The following CREB5 variants were observed in gnomAD, a reference collection of about 807,000 sequenced individuals.
CREB5 encodes the protein cAMP responsive element binding protein 5.
Under a neutral mutation model 57.1 loss-of-function variants are expected in CREB5, and 19 were observed. That is an observed-to-expected ratio of 0.33 (90% CI 0.23 to 0.49). CREB5 has a LOEUF of 0.49. Ranked by LOEUF, CREB5 falls within the 20% of genes least tolerant of loss-of-function variation. The pLI, the probability that CREB5 is intolerant of heterozygous loss-of-function variation, is 0.99. For missense variants in CREB5, 579 were observed against 671.6 expected (o/e 0.86, Z 1.52); for synonymous variants, 238 against 238.3 (o/e 1.00, Z 0.01).
chr7:28,389,606 C>T (rs533954697), intron 1 of CREB5, among the ~76,000 whole-genome samples: 17 of 150,488 alleles, frequency 1.1e-4, no homozygotes, highest in African/African-American at 3.9e-4. Context: ...GTAGAGGGCG[C>T]TATTGATATT....
chr7:28,690,354 T>C (rs747762460), intron 5 of CREB5, among the ~76,000 whole-genome samples: 2 of 152,198 alleles, frequency 1.3e-5, no homozygotes, highest in Non-Finnish European at 2.9e-5. Flanking sequence ...AGCATCACCA[T>C]AGTCGATGCT....
intron 9 of CREB5, 110 bp downstream of exon 9, chr7:28,809,524 C>T: frequency 1.0e-6 from 1 of 962,774 alleles, no homozygotes. Flanking sequence ...ACACTTAGTC[C>T]ACAGAGGAGC....
intron 5 of CREB5, among the ~76,000 whole-genome samples, chr7:28,666,063 T>C (rs1381261962): frequency 6.6e-6 from 1 of 152,080 alleles, no homozygotes; most frequent in East Asian, 1.9e-4. Context: ...ATAGTAAACA[T>C]TTTTATTTGG....
chr7:28,391,062 CA>C (rs1787206616), intron 1 of CREB5, among the ~76,000 whole-genome samples: 1 of 152,046 alleles, frequency 6.6e-6, no homozygotes, highest in Admixed American at 6.6e-5. Context: ...ATAGAGAAAA[CA>C]ATCTATTCAG....
At chr7:28,618,125 G>A (rs547467381) in intron 5 of CREB5, among the ~76,000 whole-genome samples, 1 of 152,292 alleles carries the variant, frequency 6.6e-6, no homozygotes, top group East Asian at 1.9e-4. Flanking sequence ...TGAAAAATTG[G>A]ATAGAACTTC....
intron 5 of CREB5, among the ~76,000 whole-genome samples, chr7:28,695,586 G>T (rs1231440352): frequency 2.0e-5 from 3 of 152,126 alleles, no homozygotes; most frequent in Non-Finnish European, 4.4e-5. Context: ...AGCCCCACTG[G>T]GGTCTAGTTA....
intron 5 of CREB5, among the ~76,000 whole-genome samples, chr7:28,688,429 A>C (rs531013412): frequency 2.0e-5 from 3 of 152,308 alleles, no homozygotes; most frequent in African/African-American, 7.2e-5. Flanking sequence ...ATTTTCAATG[A>C]ATTTATTCCC....
At chr7:28,672,910 C>A (rs1003020691) in intron 5 of CREB5, among the ~76,000 whole-genome samples, 1 of 152,150 alleles carries the variant, frequency 6.6e-6, no homozygotes, top group African/African-American at 2.4e-5. Context: ...AGGGTATTTT[C>A]CTGTTCTTTT....
intron 1 of CREB5, among the ~76,000 whole-genome samples, chr7:28,479,618 A>C (rs1350400586): frequency 6.6e-6 from 1 of 152,056 alleles, no homozygotes; most frequent in African/African-American, 2.4e-5. Context: ...GTATATTTTT[A>C]CCCTGTGTTC....
At chr7:28,558,755 A>G (rs1185620371) in intron 4 of CREB5, among the ~76,000 whole-genome samples, 1 of 152,152 alleles carries the variant, frequency 6.6e-6, no homozygotes, top group Non-Finnish European at 1.5e-5. Context: ...AGCTTTCCAG[A>G]GAGTGCTACA....
At chr7:28,524,188 A>G (rs1256640890) in intron 4 of CREB5, among the ~76,000 whole-genome samples, 6 of 152,158 alleles carry the variant, frequency 3.9e-5, no homozygotes, top group Admixed American at 3.3e-4. Context: ...TTTTAAAGAA[A>G]TTTGCTGGCT....
intron 1 of CREB5, among the ~76,000 whole-genome samples, chr7:28,384,589 T>TA (rs201671493): frequency 8.6e-5 from 13 of 150,918 alleles, no homozygotes; most frequent in East Asian, 1.9e-4. Context: ...CCTCTCCTAA[T>TA]AAAAAAAAAC....
At chr7:28,707,107 G>T (rs915423319) in intron 5 of CREB5, among the ~76,000 whole-genome samples, 1 of 152,048 alleles carries the variant, frequency 6.6e-6, no homozygotes, top group African/African-American at 2.4e-5. Flanking sequence ...GGATAACTGG[G>T]GACTCACAGT....
chr7:28,741,542 G>A (rs1026587631), intron 7 of CREB5, among the ~76,000 whole-genome samples: 2 of 152,178 alleles, frequency 1.3e-5, no homozygotes, highest in Non-Finnish European at 2.9e-5. Flanking sequence ...CAGCCGAGAT[G>A]TGTTTCTTTC....
intron 4 of CREB5, among the ~76,000 whole-genome samples, chr7:28,562,268 C>A (rs1795303818): frequency 6.6e-6 from 1 of 152,114 alleles, no homozygotes; most frequent in Non-Finnish European, 1.5e-5. Flanking sequence ...AAGAAACTGA[C>A]CAGGAAGGGG....
In CREB5 at chr7:28,681,595, G is replaced by A. The variant is rs980440950; in HGVS notation, c.465-37158G>A. ...TGCTAGGTGCTAGGGAAATGAAGAT[G>A]TATAGCACAGTCTCTGCCCTGGAGA... is the stretch of plus-strand genomic sequence containing the variant. On this transcript the variant is annotated intron_variant, in intron 5 of 10. Transcript: ENST00000357727. Among the ~76,000 whole-genome samples the A allele has an allele frequency of 2.6e-5, 4 of 152,248 alleles. No homozygotes were observed. The South Asian group carries it at 8.3e-4, about 32-fold the overall frequency.
intron 5 of CREB5, among the ~76,000 whole-genome samples, chr7:28,665,650 G>T (rs1799796121): frequency 6.6e-6 from 1 of 152,144 alleles, no homozygotes; most frequent in Non-Finnish European, 1.5e-5. Context: ...AATTTGGCAG[G>T]ATATAGGGGG....
intron 5 of CREB5, among the ~76,000 whole-genome samples, chr7:28,605,315 C>T (rs1038189390): frequency 3.9e-5 from 6 of 152,112 alleles, no homozygotes; most frequent in Admixed American, 6.6e-5. Flanking sequence ...AAAAACAGCT[C>T]GTAATTGCTT....
Position 28,472,064 on chromosome 7 carries a change from A to G in CREB5, c.4-16111A>G, listed in dbSNP as rs74618647. Among the ~76,000 whole-genome samples the G allele has an allele frequency of 4.0e-3, 606 of 152,156 alleles. 2 individuals carry two copies. The highest frequency in any genetic ancestry group is 6.4e-3 in the Non-Finnish European group (438 of 67,990). On this transcript the variant is annotated intron_variant, in intron 1 of 10. Coordinates refer to ENST00000357727, the MANE Select transcript of CREB5 (RefSeq NM_182898.4). Reference sequence around the variant, plus strand: ...ACCAAAACAAATCTAACCTATGGAGAGAGAAAAATTTTATTTGACATGCTT... The same window carrying G: ...ACCAAAACAAATCTAACCTATGGAGGGAGAAAAATTTTATTTGACATGCTT...
Sources: allele counts gnomAD v4.1 joint callset (sites outside exome capture counted in the v4.1 genomes callset), GRCh38; gene constraint gnomAD v4.1.1; transcripts MANE v1.5; gene names NCBI Gene and HGNC (gene_info 2026-07-23, HGNC 2026-07-21).